The following DENND4C variants were observed in gnomAD, a reference collection of about 807,000 sequenced individuals.
DENND4C encodes DENN domain containing 4C.
In DENND4C, 108 loss-of-function variants were observed where a neutral mutation model predicts 203.0. That is an observed-to-expected ratio of 0.53 (90% CI 0.46 to 0.62). The LOEUF (loss-of-function observed/expected upper bound fraction) is 0.62. DENND4C is among the 20% of genes least tolerant of loss of function. The probability of loss-of-function intolerance (pLI) is 0.00; values close to 1 mark genes in which losing one functional copy is unlikely to be tolerated. For synonymous variants in DENND4C, 871 were observed against 792.4 expected (o/e 1.10, Z -1.67); for missense variants, 2,481 against 2,301.2 (o/e 1.08, Z -1.60).
At chr9:19,236,247 A>C (rs1416410018) in intron 1 of DENND4C, among the ~76,000 whole-genome samples, 1 of 152,230 alleles carries the variant, frequency 6.6e-6, no homozygotes, top group Admixed American at 6.5e-5. Context: ...CAGCCCTATA[A>C]ATAAGCACCG....
At chr9:19,325,645 T>G (rs1283329182) in intron 13 of DENND4C, among the ~76,000 whole-genome samples, 1 of 152,200 alleles carries the variant, frequency 6.6e-6, no homozygotes, top group African/African-American at 2.4e-5. Flanking sequence ...ATAAAGGGGC[T>G]TAATAATAAT....
At chr9:19,345,286 C>A (rs1362241116) in intron 22 of DENND4C, among the ~76,000 whole-genome samples, 2 of 152,188 alleles carry the variant, frequency 1.3e-5, no homozygotes, top group African/African-American at 4.8e-5. Context: ...TCAAATAAGA[C>A]TGACTTCTGT....
chr9:19,328,106 C>G lies in DENND4C; in HGVS notation c.2197C>G (p.Pro733Ala), dbSNP rs1818208285. Residue 733 changes from proline to alanine, a missense_variant, in exon 16 of 33, where the codon CCT becomes GCT. Transcript: ENST00000434457. ...QELKLCFSRH[P>A]TGNSITKSPP... is the part of the protein sequence containing the mutation. ...GTTGAAACTTTGTTTTAGTAGACAC[C>G]CTACTGGGAATAGCATTACAAAGAG... is the stretch of plus-strand genomic sequence containing the variant. 3.7e-6 allele frequency: 6 copies of G among 1,613,142 alleles called. No individual in the cohort carries two copies. Among genetic ancestry groups the G allele is most frequent in the South Asian group, 1.1e-5 (1 of 91,048 alleles).
At position 19,372,552 on chromosome 9, in the gene DENND4C, A is replaced by G. The variant is rs1470528802; in HGVS notation, c.*379A>G. 6.2e-6 allele frequency: 1 copy of G among 161,490 alleles called. No homozygotes were observed. The highest frequency in any genetic ancestry group is 1.8e-4 in the East Asian group (1 of 5,564). 10.0% of individuals were successfully genotyped at this position (161,490 alleles called of 1,614,324 possible). On this transcript the variant is annotated 3_prime_UTR_variant, in exon 33 of 33. Transcript: ENST00000434457. The stretch of plus-strand genomic sequence containing the variant: ...GGCAAATTAAATTTGCCTAACCCCC[A>G]AAACAAATGAAATATCTCAATTATA...
At chr9:19,369,792 TA>T (rs755777994) in intron 30 of DENND4C, 44 bp from the exon 31 acceptor site, 125 of 1,114,858 alleles carry the variant, frequency 1.1e-4, no homozygotes, top group Non-Finnish European at 1.4e-4. Flanking sequence ...ATAATAATAA[TA>T]ATAGTAATAA....
At chr9:19,262,376 C>T (rs1306148097) in intron 1 of DENND4C, among the ~76,000 whole-genome samples, 2 of 151,584 alleles carry the variant, frequency 1.3e-5, no homozygotes, top group South Asian at 2.1e-4. Flanking sequence ...GCGTGAGCCT[C>T]TGTGCCTGGC....
chr9:19,304,320 G>A lies in DENND4C; in HGVS notation c.1312-1032G>A, dbSNP rs190822203. Among the ~76,000 whole-genome samples the A allele has an allele frequency of 1.9e-3, 288 of 151,410 alleles. 2 individuals carry two copies. The highest frequency in any genetic ancestry group is 0.017 in the Middle Eastern group (5 of 294). On this transcript the variant is annotated intron_variant, in intron 9 of 32. Coordinates refer to ENST00000434457, the MANE Select transcript of DENND4C (RefSeq NM_001330640.2). ...CTGCCCCAGCCTCCCGAGTAGCTGG[G>A]ATTACAGACATGTGCCACCACACTC...
At position 19,342,621 on chromosome 9, in the gene DENND4C, A is replaced by AT. The variant is rs759945304; in HGVS notation, c.3005-5dup. ...AAAGTAGGAATGATAACATCCAAAT[A>AT]TTTTTTTCCAGAGGTGTGTGATGCC... On this transcript the variant is annotated splice_polypyrimidine_tract_variant and intron_variant, in intron 21 of 32. Coordinates refer to ENST00000434457, the MANE Select transcript of DENND4C (RefSeq NM_001330640.2). 2.5e-6 allele frequency: 4 copies of AT among 1,578,492 alleles called. No individual in the cohort carries two copies. Among genetic ancestry groups the AT allele is most frequent in the South Asian group, 2.4e-5 (2 of 84,690 alleles).
At chr9:19,339,796 C>G (rs1212139958) in intron 20 of DENND4C, among the ~76,000 whole-genome samples, 1 of 152,190 alleles carries the variant, frequency 6.6e-6, no homozygotes, top group Non-Finnish European at 1.5e-5. Flanking sequence ...TTTGCCAACT[C>G]TATCACTGTT....
At chr9:19,272,850 C>T (rs1035842074) in intron 1 of DENND4C, among the ~76,000 whole-genome samples, 1 of 151,944 alleles carries the variant, frequency 6.6e-6, no homozygotes, top group African/African-American at 2.4e-5. Flanking sequence ...TCACTGCAGC[C>T]TCTGCCTCCC....
At position 19,316,769 on chromosome 9, in the gene DENND4C, A is replaced by G. The variant is rs768113180; in HGVS notation, c.1737A>G (p.Thr579=). The change falls in exon 12 of 33, where the codon ACA becomes ACG. Residue 579 remains threonine, a synonymous_variant. Transcript: ENST00000434457. The part of the protein sequence containing the change: ...FMASILKGYR[T]YLRPITEAPS... ...CGTCTATTTTAAAAGGATATAGAAC[A>G]TATCTCAGACCAATCACAGAGGCTC... The G allele has an allele frequency of 1.5e-5, 25 of 1,614,084 alleles. No individual in the cohort carries two copies. In the East Asian group the frequency reaches 3.8e-4, roughly 24 times the overall value.
chr9:19,361,993 G>T (rs1563842984), intron 30 of DENND4C, 30 bp downstream of exon 30: 1 of 1,405,060 alleles, frequency 7.1e-7, no homozygotes, highest in Non-Finnish European at 1.0e-6. Context: ...AGACATAACA[G>T]CCAGGTGCAG....
At chr9:19,252,929 G>A (rs1473880498) in intron 1 of DENND4C, among the ~76,000 whole-genome samples, 1 of 152,154 alleles carries the variant, frequency 6.6e-6, no homozygotes, top group Non-Finnish European at 1.5e-5. Context: ...TAGAGATGGG[G>A]TTTTGCCGTG....
Position 19,336,392 on chromosome 9 carries a change from G to A in DENND4C, c.2712G>A (p.Arg904=). ...FRQPLKKTVQ[R]SQVSSISALQ... Reference sequence around the variant, plus strand: ...AGCCGCTTAAAAAGACTGTGCAAAGGTCACAGGTCTCCTCAATATCAGGTA... The same window carrying A: ...AGCCGCTTAAAAAGACTGTGCAAAGATCACAGGTCTCCTCAATATCAGGTA... Residue 904 remains arginine (R), a synonymous_variant, in exon 19 of 33, where the codon AGG becomes AGA. Transcript: ENST00000434457. 6.2e-7 allele frequency: 1 copy of A among 1,613,756 alleles called. No homozygotes were observed. The highest frequency in any genetic ancestry group is 8.5e-7 in the Non-Finnish European group (1 of 1,179,886).
intron 1 of DENND4C, among the ~76,000 whole-genome samples, chr9:19,244,536 C>T (rs764703774): frequency 4.0e-5 from 6 of 151,238 alleles, no homozygotes; most frequent in Non-Finnish European, 8.9e-5. Context: ...GTCAAGAGAT[C>T]GAGACCATCC....
In DENND4C at chr9:19,346,603, A is replaced by T. The variant is rs1452781815; in HGVS notation, c.3834A>T (p.Ala1278=). The change falls in exon 23 of 33, where the codon GCA becomes GCT. Residue 1278 remains alanine, a synonymous_variant. Coordinates refer to ENST00000434457, the MANE Select transcript of DENND4C (RefSeq NM_001330640.2). ...SEDKLFSPVI[A]RNLADEIESY... ...ATAAGTTGTTTTCTCCAGTTATTGC[A>T]CGTAATCTGGCTGATGAAATAGAAA... 3 of 1,614,198 alleles carry T rather than the reference A, an allele frequency of 1.9e-6. No individual in the cohort carries two copies. The Admixed American group carries it at 5.0e-5, about 27-fold the overall frequency.
At chr9:19,297,603 A>G (rs997343424) in intron 6 of DENND4C, among the ~76,000 whole-genome samples, 2 of 152,162 alleles carry the variant, frequency 1.3e-5, no homozygotes, top group Non-Finnish European at 2.9e-5. Context: ...AAGAGCTCCA[A>G]ACTTTGGAGA....
rs765322133 is a variant in DENND4C at position 19,346,982 on chromosome 9, G to C, written c.4213G>C (p.Gly1405Arg). ...GCTAAAGCTGGATAATATACTCTCA[G>C]GGCCCAAGATAGATGTCCTGAAATC... ...SGLKLDNILS[G>R]PKIDVLKSGM... is the part of the protein sequence containing the mutation. Residue 1405 changes from glycine (G) to arginine (R), a missense_variant, in exon 23 of 33, where the codon GGG (glycine) becomes CGG (arginine). This residue lies in a region of DENND4C where 2,289 missense variants were observed against 2,113.3 expected (regional missense o/e 1.08). Coordinates refer to ENST00000434457, the MANE Select transcript of DENND4C (RefSeq NM_001330640.2). 1.9e-6 allele frequency: 3 copies of C among 1,614,148 alleles called. No homozygotes were observed. Among genetic ancestry groups the C allele is most frequent in the Non-Finnish European group, 2.5e-6 (3 of 1,180,022 alleles).
At chr9:19,366,142 A>G (rs549575196) in intron 30 of DENND4C, among the ~76,000 whole-genome samples, 4 of 152,312 alleles carry the variant, frequency 2.6e-5, no homozygotes, top group African/African-American at 9.6e-5. Flanking sequence ...GTGTTATAGG[A>G]CTCACAGTTC....
Sources: gnomAD v4.1 joint callset for allele counts (sites outside exome capture counted in the v4.1 genomes callset) on GRCh38, gnomAD v4.1.1 for gene constraint, gnomAD v4.1.1 regional missense constraint, MANE v1.5 for transcripts, NCBI Gene and HGNC (gene_info 2026-07-23, HGNC 2026-07-21) for gene names.